IGFL1: variants seen among roughly 807,000 people sequenced by gnomAD.
IGFL1 encodes insulin growth factor-like family member 1.
A neutral mutation model predicts 16.0 loss-of-function variants in IGFL1; 16 were observed. That is an observed-to-expected ratio of 1.00 (90% CI 0.68 to 1.52). IGFL1 has a LOEUF of 1.52. IGFL1 is among the 40% of genes most tolerant of loss of function. IGFL1 has a pLI of 0.00. For synonymous variants in IGFL1, 59 were observed against 54.0 expected, an observed-to-expected ratio of 1.09 and a Z score of -0.41; for missense variants, 149 against 141.7, an observed-to-expected ratio of 1.05 and a Z score of -0.26.
rs1184618070 is a variant in IGFL1 at position 46,230,032 on chromosome 19, GTCT to G, written c.26-69_26-67del. ...CCATACCGAGCCCTGGTTCCACCCA[GTCT>G]TCTTCTAAATGTCAGTGCCAGTCAT... On this transcript the variant is annotated intron_variant, in intron 1 of 3. Coordinates refer to ENST00000437936, the MANE Select transcript of IGFL1 (RefSeq NM_198541.2). 32 of 1,545,870 alleles carry G rather than the reference GTCT, an allele frequency of 2.1e-5. No individual in the cohort carries two copies. The African/African-American group carries it at 2.3e-4, about 11-fold the overall frequency.
At position 46,230,700 on chromosome 19, in the gene IGFL1, T is replaced by C. The variant is rs558714681; in HGVS notation, c.324-121T>C. On this transcript the variant is annotated intron_variant, in intron 3 of 3. Transcript: ENST00000437936. ...TTATTTCCCTCTCAGAATCTCACTCTCTCTACCCCGCTGTCCTCTCCTCCT... is the reference window on the plus strand; with the variant it reads ...TTATTTCCCTCTCAGAATCTCACTCCCTCTACCCCGCTGTCCTCTCCTCCT... 9.5e-5 allele frequency: 131 copies of C among 1,378,980 alleles called. No homozygotes were observed. The South Asian group carries it at 1.5e-3, about 15-fold the overall frequency. The allele number at this position is 1,378,980 out of a possible 1,614,324, so 85.4% of individuals were successfully genotyped here.
At position 46,229,810 on chromosome 19, in the gene IGFL1, C is replaced by CA; in HGVS notation, c.25+12dup. On this transcript the variant is annotated intron_variant, in intron 1 of 3. Coordinates refer to ENST00000437936, the MANE Select transcript of IGFL1 (RefSeq NM_198541.2). ...GAGGCTGCATCGTAGGTAAGGAGGA[C>CA]AGGACCCCATTCCCACCTGAGCCCA... 6.2e-7 allele frequency: 1 copy of CA among 1,605,878 alleles called. No individual in the cohort carries two copies. The highest frequency in any genetic ancestry group is 8.5e-7 in the Non-Finnish European group (1 of 1,176,456).
At chr19:46,229,952 A>G (rs1967224553) in intron 1 of IGFL1, among the ~76,000 whole-genome samples, 153 bp downstream of exon 1, 1 of 152,078 alleles carries the variant, frequency 6.6e-6, no homozygotes, top group Non-Finnish European at 1.5e-5. Context: ...CCCCATCCAT[A>G]GTGCCCAGAT....
rs748845728 is a variant in IGFL1, at chr19:46,230,512, T to A, written c.318T>A (p.Cys106Ter). 3 of 1,613,802 alleles carry A rather than the reference T, an allele frequency of 1.9e-6. No homozygotes were observed. The South Asian group carries it at 3.3e-5, about 18-fold the overall frequency. ...CCCGGACCTCGGATGACAGGCTTTG[T>A]CGCAGGTGAGTCCTGTCCCCTCCGT... ...DSARTSDDRL[C>*]RSVS The change falls in exon 3 of 4, where the codon TGT becomes TGA. Residue 106 changes from cysteine to a stop codon, truncating the protein, a stop_gained. Transcript: ENST00000437936. LOFTEE classifies it high-confidence loss of function.
intron 3 of IGFL1, 111 bp from the exon 4 acceptor site, chr19:46,230,710 G>C: frequency 7.2e-7 from 1 of 1,391,112 alleles, no homozygotes; most frequent in Non-Finnish European, 1.0e-6. Flanking sequence ...TCTCTACCCC[G>C]CTGTCCTCTC....
At chr19:46,229,948 C>A in intron 1 of IGFL1, 149 bp downstream of exon 1, 2 of 1,221,430 alleles carry the variant, frequency 1.6e-6, no homozygotes, top group Non-Finnish European at 2.4e-6. Context: ...AATTCCCCAT[C>A]CATAGTGCCC....
In IGFL1 at chr19:46,229,925, A is replaced by T. The variant is rs538489107; in HGVS notation, c.25+126A>T. 72 of 1,275,240 alleles carry T rather than the reference A, an allele frequency of 5.6e-5. No homozygotes were observed. The South Asian group carries it at 8.7e-4, about 15-fold the overall frequency. 79.0% of individuals were successfully genotyped at this position (1,275,240 alleles called of 1,614,324 possible). On this transcript the variant is annotated intron_variant, in intron 1 of 3. Coordinates refer to ENST00000437936, the MANE Select transcript of IGFL1 (RefSeq NM_198541.2). Reference sequence around the variant, plus strand: ...ATGCCCAGCCAAATCTCCAGGCGTGAATTGCTCACAGCAATTCCCCATCCA... The same window carrying T: ...ATGCCCAGCCAAATCTCCAGGCGTGTATTGCTCACAGCAATTCCCCATCCA...
Position 46,230,374 on chromosome 19 carries a change from C to T in IGFL1, c.180C>T (p.Val60=), listed in dbSNP as rs928143999. 10 of 1,613,914 alleles carry T rather than the reference C, an allele frequency of 6.2e-6. No homozygotes were observed. The African/African-American group carries it at 6.7e-5, about 11-fold the overall frequency. The part of the protein sequence containing the change: ...PLQHCCYDDA[V]VPLARTQTCG... ...AGCACTGTTGCTATGATGATGCCGT[C>T]GTGCCCTTGGCCAGGACCCAGACGT... Residue 60 remains valine (V), a synonymous_variant, in exon 3 of 4, where the codon GTC becomes GTT. Transcript: ENST00000437936.
At position 46,229,848 on chromosome 19, in the gene IGFL1, G is replaced by C. The variant is rs746209254; in HGVS notation, c.25+49G>C. ...CCACCTGAGCCCATCTCCAATCTCA[G>C]CCACCACCAGGGCTCTCTCCCTACC... On this transcript the variant is annotated intron_variant, in intron 1 of 3. Transcript: ENST00000437936. 4 of 1,576,820 alleles carry C rather than the reference G, an allele frequency of 2.5e-6. 1 individual carries two copies. Among genetic ancestry groups the C allele is most frequent in the Non-Finnish European group, 3.5e-6 (4 of 1,158,468 alleles).
intron 1 of IGFL1, 143 bp from the exon 2 acceptor site, chr19:46,229,965 G>A: frequency 8.2e-7 from 1 of 1,219,042 alleles, no homozygotes; most frequent in Non-Finnish European, 1.2e-6. Flanking sequence ...GCCCAGATCA[G>A]CCCCATCCAC....
intron 2 of IGFL1, 33 bp from the exon 3 acceptor site, chr19:46,230,241 C>A (rs1186533681): frequency 6.8e-6 from 11 of 1,613,478 alleles, no homozygotes; most frequent in Non-Finnish European, 9.3e-6. Flanking sequence ...CCTGCCACTA[C>A]CTCCTGGATC....
In IGFL1 at chr19:46,230,377, G is replaced by A; in HGVS notation, c.183G>A (p.Val61=). The stretch of plus-strand genomic sequence containing the variant: ...ACTGTTGCTATGATGATGCCGTCGT[G>A]CCCTTGGCCAGGACCCAGACGTGTG... The part of the protein sequence containing the change: ...LQHCCYDDAV[V]PLARTQTCGN... Residue 61 remains valine, a synonymous_variant, in exon 3 of 4, where the codon GTG becomes GTA. Coordinates refer to ENST00000437936, the MANE Select transcript of IGFL1 (RefSeq NM_198541.2). 1 of 1,613,986 alleles carries A rather than the reference G, an allele frequency of 6.2e-7. No homozygotes were observed.
In IGFL1 at chr19:46,230,935, G is replaced by A. The variant is rs1967236952; in HGVS notation, c.*105G>A. 8.4e-7 allele frequency: 1 copy of A among 1,185,696 alleles called. No individual in the cohort carries two copies. Among genetic ancestry groups the A allele is most frequent in the South Asian group, 1.3e-5 (1 of 76,848 alleles). The allele number at this position is 1,185,696 out of a possible 1,614,324, so 73.4% of individuals were successfully genotyped here. A position where few individuals can be genotyped will look rare whatever the true frequency, so the allele number is the denominator to read the frequency against. ...CTGGGATGCTGAGTGGCTGTTTGGG[G>A]GCCAGAGAAACACACACTCAACTGC... is the stretch of plus-strand genomic sequence containing the variant. On this transcript the variant is annotated 3_prime_UTR_variant, in exon 4 of 4. Coordinates refer to ENST00000437936, the MANE Select transcript of IGFL1 (RefSeq NM_198541.2).
intron 1 of IGFL1, 43 bp downstream of exon 1, chr19:46,229,842 A>G: frequency 1.3e-6 from 2 of 1,586,452 alleles, no homozygotes; most frequent in Non-Finnish European, 1.7e-6. Flanking sequence ...CCCATCTCCA[A>G]TCTCAGCCAC....
Position 46,230,149 on chromosome 19 carries a change from C to T in IGFL1, c.67C>T (p.His23Tyr), listed in dbSNP as rs1414515583. Residue 23 changes from histidine (H) to tyrosine (Y), a missense_variant, in exon 2 of 4, where the codon CAC (histidine) becomes TAC (tyrosine). Physicochemically the swap from His to Tyr is moderately conservative, Grantham distance 83 (BLOSUM62 2). Coordinates refer to ENST00000437936, the MANE Select transcript of IGFL1 (RefSeq NM_198541.2). ...CTGCATCTCCAGGCTCCTCTGCTCA[C>T]ACGGAGCCCCAGGTGAGCCCAGGAG... is the stretch of plus-strand genomic sequence containing the variant. Reference protein sequence around the residue: ...IFCISRLLCSHGAPVAPMTPY... With the variant: ...IFCISRLLCSYGAPVAPMTPY... The T allele has an allele frequency of 1.2e-6, 2 of 1,613,980 alleles. No homozygotes were observed. Among genetic ancestry groups the T allele is most frequent in the Admixed American group, 1.7e-5 (1 of 60,026 alleles).
Sources: allele counts gnomAD v4.1 joint callset (sites outside exome capture counted in the v4.1 genomes callset), GRCh38; gene constraint gnomAD v4.1.1; transcripts MANE v1.5; gene names NCBI Gene and HGNC (gene_info 2026-07-23, HGNC 2026-07-21).